Variants in XKR6 observed in about 807,000 individuals in gnomAD.
XKR6 encodes the protein XK-related protein 6.
XKR6 carries 22 observed loss-of-function variants against 56.7 expected under a neutral mutation model. The observed-to-expected ratio is 0.39, with a 90% CI of 0.28 to 0.55. The LOEUF is 0.55. Ranked by LOEUF, XKR6 falls within the 20% of genes least tolerant of loss-of-function variation. XKR6 has a pLI of 0.66. For synonymous variants in XKR6, 524 were observed against 387.8 expected, an observed-to-expected ratio of 1.35 and a Z score of -4.13; for missense variants, 852 against 889.0, an observed-to-expected ratio of 0.96 and a Z score of 0.53.
chr8:10,987,329 G>C (rs1586395541), intron 1 of XKR6, among the ~76,000 whole-genome samples: 1 of 152,176 alleles, frequency 6.6e-6, no homozygotes, highest in African/African-American at 2.4e-5. Context: ...TAGTCCACTG[G>C]ATAAGAGCAG....
chr8:10,964,837 T>C (rs1023413408), intron 1 of XKR6, among the ~76,000 whole-genome samples: 1 of 152,224 alleles, frequency 6.6e-6, no homozygotes, highest in Non-Finnish European at 1.5e-5. Flanking sequence ...ACCTGCAGCA[T>C]CCTCTAAAGC....
intron 1 of XKR6, among the ~76,000 whole-genome samples, chr8:10,928,757 G>C (rs888389180): frequency 6.6e-6 from 1 of 152,178 alleles, no homozygotes; most frequent in Non-Finnish European, 1.5e-5. Flanking sequence ...CTCAGGATTG[G>C]CTGCCATTCC....
At chr8:10,920,745 A>T (rs1800685977) in intron 2 of XKR6, among the ~76,000 whole-genome samples, 1 of 152,278 alleles carries the variant, frequency 6.6e-6, no homozygotes, top group Non-Finnish European at 1.5e-5. Context: ...AGTGATGGCT[A>T]GTGTCCTTCC....
At chr8:11,012,595 A>G (rs1798526189) in intron 1 of XKR6, among the ~76,000 whole-genome samples, 1 of 152,110 alleles carries the variant, frequency 6.6e-6, no homozygotes. Context: ...GAGCTGGGAA[A>G]TGTAAACTAT....
intron 1 of XKR6, among the ~76,000 whole-genome samples, chr8:10,941,613 C>A (rs1048117263): frequency 7.9e-5 from 12 of 152,238 alleles, no homozygotes; most frequent in African/African-American, 2.9e-4. Flanking sequence ...CCTGGGAAGA[C>A]CCACAGGGCA....
chr8:11,070,302 G>T (rs1208884701), intron 1 of XKR6, among the ~76,000 whole-genome samples: 1 of 152,152 alleles, frequency 6.6e-6, no homozygotes, highest in Non-Finnish European at 1.5e-5. Flanking sequence ...AGAGGTTTAG[G>T]TAAAAGAGAG....
At chr8:11,042,636 G>T (rs1363160976) in intron 1 of XKR6, among the ~76,000 whole-genome samples, 2 of 152,182 alleles carry the variant, frequency 1.3e-5, no homozygotes, top group Non-Finnish European at 2.9e-5. Context: ...ATATGAAAAT[G>T]GATTAGTACA....
intron 1 of XKR6, among the ~76,000 whole-genome samples, chr8:10,937,686 G>A (rs1203749787): frequency 2.7e-5 from 4 of 148,008 alleles, no homozygotes; most frequent in East Asian, 3.9e-4. Flanking sequence ...TGCCCCTGCT[G>A]GGGGGTGCCT....
intron 1 of XKR6, among the ~76,000 whole-genome samples, chr8:11,063,737 C>G (rs908836841): frequency 6.6e-5 from 10 of 152,128 alleles, no homozygotes; most frequent in Non-Finnish European, 1.5e-4. Context: ...CTAAGAATTC[C>G]TGATACGCTT....
chr8:11,132,050 A>G (rs888665936), intron 1 of XKR6, among the ~76,000 whole-genome samples: 1 of 152,116 alleles, frequency 6.6e-6, no homozygotes, highest in Non-Finnish European at 1.5e-5. Flanking sequence ...GCTCTGATAC[A>G]GTGGGTCTCA....
intron 1 of XKR6, among the ~76,000 whole-genome samples, chr8:11,173,403 A>T (rs1187451804): frequency 6.6e-6 from 1 of 150,462 alleles, no homozygotes; most frequent in African/African-American, 2.4e-5. Flanking sequence ...ATATACATAT[A>T]TATATACATA....
chr8:11,163,600 A>C (rs1176249678), intron 1 of XKR6, among the ~76,000 whole-genome samples: 1 of 152,260 alleles, frequency 6.6e-6, no homozygotes, highest in Non-Finnish European at 1.5e-5. Context: ...AGTGAATAAC[A>C]AAATATGCAC....
chr8:11,006,370 G>A (rs147997601), intron 1 of XKR6, among the ~76,000 whole-genome samples: 1 of 152,126 alleles, frequency 6.6e-6, no homozygotes, highest in Admixed American at 6.5e-5. Flanking sequence ...AGGGAACAGT[G>A]TGCTGCCCCT....
At chr8:11,151,152 C>A (rs1359699167) in intron 1 of XKR6, among the ~76,000 whole-genome samples, 1 of 152,138 alleles carries the variant, frequency 6.6e-6, no homozygotes, top group Non-Finnish European at 1.5e-5. Flanking sequence ...CTTTCTCCCC[C>A]GCAAGTGACA....
chr8:11,158,006 T>C (rs1395969002), intron 1 of XKR6, among the ~76,000 whole-genome samples: 1 of 152,182 alleles, frequency 6.6e-6, no homozygotes, highest in Non-Finnish European at 1.5e-5. Context: ...TTATGAAAAT[T>C]ATAAATTACA....
chr8:10,967,576 G>C (rs562996920), intron 1 of XKR6, among the ~76,000 whole-genome samples: 204 of 152,306 alleles, frequency 1.3e-3, no homozygotes, highest in Non-Finnish European at 2.5e-3. Flanking sequence ...TGACACCAGA[G>C]TGCCCAGCCC....
intron 1 of XKR6, among the ~76,000 whole-genome samples, chr8:11,147,778 T>C (rs1801065154): frequency 6.6e-6 from 1 of 151,978 alleles, no homozygotes; most frequent in African/African-American, 2.4e-5. Flanking sequence ...AAGGCTGGAA[T>C]CACAACAGTT....
intron 1 of XKR6, among the ~76,000 whole-genome samples, chr8:10,987,318 A>G (rs569249962): frequency 2.0e-5 from 3 of 152,302 alleles, no homozygotes; most frequent in South Asian, 2.1e-4. Flanking sequence ...AAACCTCTCA[A>G]TAGTCCACTG....
At chr8:11,001,087 G>A (rs1798227960) in intron 1 of XKR6, among the ~76,000 whole-genome samples, 1 of 152,302 alleles carries the variant, frequency 6.6e-6, no homozygotes, top group Middle Eastern at 3.4e-3. Flanking sequence ...TGGCCTCATT[G>A]GATGACTTTG....
Sources: allele counts gnomAD v4.1 joint callset (sites outside exome capture counted in the v4.1 genomes callset), GRCh38; gene constraint gnomAD v4.1.1; transcripts MANE v1.5; gene names NCBI Gene and HGNC (gene_info 2026-07-23, HGNC 2026-07-21).